PPFIA2: variants seen among roughly 807,000 people sequenced by gnomAD.
The protein encoded by PPFIA2 is liprin-alpha-2.
Under a neutral mutation model 175.5 loss-of-function variants are expected in PPFIA2, and 46 were observed. The ratio of observed to expected loss-of-function variants is 0.26; its 90% confidence interval spans 0.21 to 0.34. PPFIA2 has a LOEUF of 0.34. Among genes scored for constraint, PPFIA2 ranks in the 10% least tolerant of loss-of-function variants. PPFIA2 has a pLI of 1.00. For synonymous variants in PPFIA2, 568 were observed against 511.4 expected, an observed-to-expected ratio of 1.11 and a Z score of -1.49; for missense variants, 1,179 against 1,506.1, an observed-to-expected ratio of 0.78 and a Z score of 3.60.
rs571385533 is a variant in PPFIA2, at chr12:81,585,491, A to T, written c.303+91300T>A. Among the ~76,000 whole-genome samples the T allele has an allele frequency of 2.6e-5, 4 of 151,842 alleles. No homozygotes were observed. In the Admixed American group the frequency reaches 2.6e-4, roughly 10 times the overall value. ...TCCGTATTCTATAAGCTTCTTTTCT[A>T]TTTGATTTTTGTTTTTACTTTTTAA... On this transcript the variant is annotated intron_variant, in intron 4 of 32. Transcript: ENST00000549396.
Position 81,613,022 on chromosome 12 carries a change from A to G in PPFIA2, c.303+63769T>C, listed in dbSNP as rs138755870. Among the ~76,000 whole-genome samples the G allele has an allele frequency of 5.3e-3, 811 of 152,338 alleles. 2 individuals carry two copies. The highest frequency in any genetic ancestry group is 9.5e-3 in the Admixed American group (146 of 15,310). ...ATTATAATGTTAAATCATATAAAATACAGGATTAAGAGTTTTGTTTTTGTT... is the reference window on the plus strand; with the variant it reads ...ATTATAATGTTAAATCATATAAAATGCAGGATTAAGAGTTTTGTTTTTGTT... On this transcript the variant is annotated intron_variant, in intron 4 of 32. Transcript: ENST00000549396.
chr12:81,319,460 C>T (rs529022925), intron 22 of PPFIA2, among the ~76,000 whole-genome samples: 1 of 151,774 alleles, frequency 6.6e-6, no homozygotes, highest in Non-Finnish European at 1.5e-5. Context: ...AGAAGACAGG[C>T]TTCTGGAGTT....
intron 3 of PPFIA2, among the ~76,000 whole-genome samples, chr12:81,710,884 G>A (rs941604358): frequency 6.6e-6 from 1 of 151,324 alleles, no homozygotes; most frequent in Non-Finnish European, 1.5e-5. Flanking sequence ...TGCTCAATCT[G>A]TATGTATATC....
chr12:81,287,923 C>T (rs1267614765), intron 24 of PPFIA2, among the ~76,000 whole-genome samples: 2 of 151,676 alleles, frequency 1.3e-5, no homozygotes, highest in African/African-American at 2.4e-5. Context: ...TCTGAGATCC[C>T]CTTAAAATTA....
intron 16 of PPFIA2, among the ~76,000 whole-genome samples, chr12:81,356,909 A>C (rs572225430): frequency 6.6e-6 from 1 of 152,288 alleles, no homozygotes; most frequent in East Asian, 1.9e-4. Context: ...TTACATGGTT[A>C]TGTTTTTTAA....
chr12:81,263,502 G>A (rs2036276669), intron 30 of PPFIA2, 112 bp from the exon 31 acceptor site: 3 of 897,842 alleles, frequency 3.3e-6, no homozygotes, highest in South Asian at 2.2e-5. Context: ...AGTCTGTCAA[G>A]TATACGTATG....
chr12:81,553,068 G>A (rs948112658), intron 4 of PPFIA2, among the ~76,000 whole-genome samples: 4 of 151,820 alleles, frequency 2.6e-5, no homozygotes, highest in Non-Finnish European at 4.4e-5. Flanking sequence ...TACAGAGTGT[G>A]GTATGACAGG....
chr12:81,366,153 TCAA>T (rs2033342363), intron 14 of PPFIA2, among the ~76,000 whole-genome samples: 1 of 150,464 alleles, frequency 6.6e-6, no homozygotes, highest in African/African-American at 2.4e-5. Context: ...CTATCTTTTC[TCAA>T]CATACAGTTA....
intron 4 of PPFIA2, among the ~76,000 whole-genome samples, chr12:81,670,228 T>A (rs1466068116): frequency 6.6e-6 from 1 of 151,852 alleles, no homozygotes; most frequent in Non-Finnish European, 1.5e-5. Flanking sequence ...TTCAAGGGAG[T>A]GATCTAACCT....
At chr12:81,608,234 G>C (rs1030948310) in intron 4 of PPFIA2, among the ~76,000 whole-genome samples, 1 of 152,102 alleles carries the variant, frequency 6.6e-6, no homozygotes, top group East Asian at 1.9e-4. Flanking sequence ...ATGATCATAA[G>C]GGATACTGGC....
chr12:81,755,970 G>C (rs559657231), intron 2 of PPFIA2, among the ~76,000 whole-genome samples: 29 of 152,062 alleles, frequency 1.9e-4, no homozygotes, highest in Non-Finnish European at 3.7e-4. Context: ...CACAAAGATG[G>C]AAAATACAGA....
At chr12:81,665,099 A>G (rs905256727) in intron 4 of PPFIA2, among the ~76,000 whole-genome samples, 1 of 151,992 alleles carries the variant, frequency 6.6e-6, no homozygotes, top group Non-Finnish European at 1.5e-5. Context: ...TGATGAGTTA[A>G]TGGGTACAGC....
At chr12:81,322,327 A>G (rs2053840348) in intron 22 of PPFIA2, among the ~76,000 whole-genome samples, 1 of 152,180 alleles carries the variant, frequency 6.6e-6, no homozygotes, top group Non-Finnish European at 1.5e-5. Context: ...TTAAATAAGA[A>G]GAGGTGCCTG....
intron 8 of PPFIA2, among the ~76,000 whole-genome samples, chr12:81,394,571 G>C (rs1367401752): frequency 6.6e-6 from 1 of 151,796 alleles, no homozygotes; most frequent in Non-Finnish European, 1.5e-5. Flanking sequence ...ACCAAACACC[G>C]CATGTTCTCA....
rs753395753 is a variant in PPFIA2 at position 81,284,291 on chromosome 12, C to T, written c.2938G>A (p.Val980Ile). 6.3e-6 allele frequency: 10 copies of T among 1,594,564 alleles called. No homozygotes were observed. The highest frequency in any genetic ancestry group is 2.7e-5 in the African/African-American group (2 of 74,644). Reference sequence around the variant, plus strand: ...TCCATTTCTTCATGAGTCACCCAAACGTTGCCTGAAGGCTAGTGAGGAGGC... The same window carrying T: ...TCCATTTCTTCATGAGTCACCCAAATGTTGCCTGAAGGCTAGTGAGGAGGC... ...PPTSRTPSGN[V>I]WVTHEEMENL... Residue 980 changes from valine (V) to isoleucine (I), a missense_variant, in exon 25 of 33, where the codon GTT (valine) becomes ATT (isoleucine). Physicochemically the swap from Val to Ile is conservative, Grantham distance 29. Transcript: ENST00000549396.
intron 22 of PPFIA2, among the ~76,000 whole-genome samples, chr12:81,315,252 A>G (rs552984267): frequency 6.6e-6 from 1 of 152,008 alleles, no homozygotes; most frequent in Non-Finnish European, 1.5e-5. Context: ...GAATTTCACA[A>G]TGAAACTATT....
At chr12:81,540,072 G>GAGAGAA (rs1333667084) in intron 4 of PPFIA2, among the ~76,000 whole-genome samples, 1 of 151,976 alleles carries the variant, frequency 6.6e-6, no homozygotes, top group Non-Finnish European at 1.5e-5. Flanking sequence ...GACAGAGAGA[G>GAGAGAA]AGAGAAAGAG....
At chr12:81,433,844 T>C (rs2048523705) in intron 7 of PPFIA2, among the ~76,000 whole-genome samples, 2 of 152,130 alleles carry the variant, frequency 1.3e-5, no homozygotes, top group South Asian at 4.1e-4. Flanking sequence ...CTTACACAAG[T>C]ATAAAATTAA....
chr12:81,666,604 C>T (rs930032025), intron 4 of PPFIA2, among the ~76,000 whole-genome samples: 11 of 151,990 alleles, frequency 7.2e-5, no homozygotes, highest in Admixed American at 1.3e-4. Context: ...CACACCGGGG[C>T]CTGTTGTGGG....
Sources: gnomAD v4.1 joint callset for allele counts (sites outside exome capture counted in the v4.1 genomes callset) on GRCh38, gnomAD v4.1.1 for gene constraint, MANE v1.5 for transcripts, NCBI Gene and HGNC (gene_info 2026-07-23, HGNC 2026-07-21) for gene names.